APPBP2: variants seen among roughly 807,000 people sequenced by gnomAD.
APPBP2 encodes amyloid protein-binding protein 2.
APPBP2 carries 15 observed loss-of-function variants against 76.0 expected under a neutral mutation model. The ratio of observed to expected loss-of-function variants is 0.20; its 90% CI spans 0.13 to 0.30. APPBP2 has a LOEUF of 0.30. APPBP2 is among the 10% of genes least tolerant of loss of function. APPBP2 has a pLI of 1.00. For synonymous variants in APPBP2, 222 were observed against 242.2 expected (o/e 0.92, Z 0.77); for missense variants, 401 against 687.2 (o/e 0.58, Z 4.66).
chr17:60,493,842 T>C (rs973316145), intron 3 of APPBP2, among the ~76,000 whole-genome samples: 1 of 152,196 alleles, frequency 6.6e-6, no homozygotes, highest in Admixed American at 6.5e-5. Context: ...GATTTCGCCA[T>C]GCTGGCCAGG....
rs531072341 is a variant in APPBP2 at position 60,485,860 on chromosome 17, C to T, written c.380-6589G>A. Among the ~76,000 whole-genome samples the T allele has an allele frequency of 2.6e-5, 4 of 152,266 alleles. No individual in the cohort carries two copies. The South Asian group carries it at 6.2e-4, about 24-fold the overall frequency. ...TTAGTGCTATAAATTTACCTCTACA[C>T]ACAGCTTTAAATGTGTCCCAGAGAT... On this transcript the variant is annotated intron_variant, in intron 3 of 12. Transcript: ENST00000083182.
intron 3 of APPBP2, among the ~76,000 whole-genome samples, chr17:60,490,843 T>A (rs1048043324): frequency 2.6e-5 from 4 of 152,206 alleles, no homozygotes; most frequent in African/African-American, 9.6e-5. Flanking sequence ...CCATGTAAGA[T>A]GTGCCTTTTA....
chr17:60,488,616 C>G (rs756614257), intron 3 of APPBP2, among the ~76,000 whole-genome samples: 4 of 151,940 alleles, frequency 2.6e-5, no homozygotes, highest in Non-Finnish European at 4.4e-5. Context: ...TGACTTTTTC[C>G]TCTTGGGTAA....
intron 4 of APPBP2, among the ~76,000 whole-genome samples, chr17:60,475,024 T>TC (rs2090579143): frequency 6.6e-6 from 1 of 151,994 alleles, no homozygotes; most frequent in Non-Finnish European, 1.5e-5. Context: ...GGTCAGGAGA[T>TC]CGACACCATC....
At chr17:60,509,812 AAAC>A (rs1452786025) in intron 1 of APPBP2, among the ~76,000 whole-genome samples, 9 of 152,134 alleles carry the variant, frequency 5.9e-5, no homozygotes, top group Non-Finnish European at 1.2e-4. Context: ...AAAACACAAA[AAAC>A]AACAACAAAG....
In APPBP2 at chr17:60,511,290, T is replaced by C. The variant is rs1598374005; in HGVS notation, c.139-10803A>G. ...ACAAAAGGATAGGGCAGTATAGCTATAAGAAAACACTTTCTGCCGGGCGCG... is the reference window on the plus strand; with the variant it reads ...ACAAAAGGATAGGGCAGTATAGCTACAAGAAAACACTTTCTGCCGGGCGCG... On this transcript the variant is annotated intron_variant, in intron 1 of 12. Transcript: ENST00000083182. Among the ~76,000 whole-genome samples the C allele has an allele frequency of 3.3e-5, 5 of 152,212 alleles. No individual in the cohort carries two copies. In the South Asian group the frequency reaches 1.0e-3, roughly 32 times the overall value.
intron 3 of APPBP2, among the ~76,000 whole-genome samples, chr17:60,489,751 T>C (rs2090711381): frequency 6.6e-6 from 1 of 151,738 alleles, no homozygotes; most frequent in Non-Finnish European, 1.5e-5. Context: ...AAAACAAAAG[T>C]AGGGCTGGGT....
In APPBP2 at chr17:60,447,465, G is replaced by T; in HGVS notation, c.*116C>A. On this transcript the variant is annotated 3_prime_UTR_variant, in exon 13 of 13. Transcript: ENST00000083182. ...GATCACCCAAAATAGGGTCTTCAATGGACTGGACCAGTGTTTCAATGCAAA... is the reference window on the plus strand; with the variant it reads ...GATCACCCAAAATAGGGTCTTCAATTGACTGGACCAGTGTTTCAATGCAAA... The T allele has an allele frequency of 8.2e-7, 1 of 1,220,626 alleles. No homozygotes were observed. The highest frequency in any genetic ancestry group is 1.1e-6 in the Non-Finnish European group (1 of 879,974). The allele number at this position is 1,220,626 out of a possible 1,614,324, so 75.6% of individuals were successfully genotyped here. A position where few individuals can be genotyped will look rare whatever the true frequency, so the allele number is the denominator to read the frequency against.
intron 10 of APPBP2, among the ~76,000 whole-genome samples, chr17:60,455,461 G>A (rs547362821): frequency 5.8e-4 from 89 of 152,190 alleles, no homozygotes; most frequent in African/African-American, 1.9e-3. Flanking sequence ...CAACATGCAC[G>A]GAAATAACAC....
At chr17:60,507,975 CTT>C (rs753633178) in intron 1 of APPBP2, among the ~76,000 whole-genome samples, 73 of 140,946 alleles carry the variant, frequency 5.2e-4, no homozygotes, top group Admixed American at 7.2e-4. Flanking sequence ...TTTTTTCCTT[CTT>C]TTTTTTTTTT....
intron 1 of APPBP2, among the ~76,000 whole-genome samples, chr17:60,505,371 A>G (rs1362431513): frequency 6.6e-6 from 1 of 152,276 alleles, no homozygotes. Context: ...GTTGGAGTGC[A>G]GTGGCACGAT....
chr17:60,511,766 C>A (rs2090915654), intron 1 of APPBP2, among the ~76,000 whole-genome samples: 1 of 152,128 alleles, frequency 6.6e-6, no homozygotes, highest in South Asian at 2.1e-4. Flanking sequence ...CATCCATCTA[C>A]AGAGGAAAAT....
chr17:60,463,747 T>C (rs1303269469), intron 6 of APPBP2, among the ~76,000 whole-genome samples: 1 of 152,186 alleles, frequency 6.6e-6, no homozygotes, highest in African/African-American at 2.4e-5. Flanking sequence ...AGCACCCAAA[T>C]ACTACTTTGA....
chr17:60,522,042 ACT>A (rs1295246528), intron 1 of APPBP2, among the ~76,000 whole-genome samples: 1 of 152,000 alleles, frequency 6.6e-6, no homozygotes, highest in African/African-American at 2.4e-5. Context: ...GTGTAAATAC[ACT>A]CTCTGATGTT....
chr17:60,448,054 G>A (rs572632709), intron 12 of APPBP2, among the ~76,000 whole-genome samples: 1 of 152,150 alleles, frequency 6.6e-6, no homozygotes, highest in East Asian at 1.9e-4. Flanking sequence ...AAAGAAGTTG[G>A]CCTCATTAGA....
At chr17:60,494,341 G>T in intron 3 of APPBP2, 125 bp downstream of exon 3, 1 of 971,466 alleles carries the variant, frequency 1.0e-6, no homozygotes, top group Non-Finnish European at 1.5e-6. Flanking sequence ...GGGTTAAGTG[G>T]TTCTGATGTT....
intron 9 of APPBP2, among the ~76,000 whole-genome samples, chr17:60,458,727 T>A (rs1457389334): frequency 6.6e-6 from 1 of 151,868 alleles, no homozygotes; most frequent in African/African-American, 2.4e-5. Flanking sequence ...TTTAATCATA[T>A]AAAGAACACA....
Position 60,525,882 on chromosome 17 carries a change from G to A in APPBP2, c.50C>T (p.Ala17Val). 6.2e-7 allele frequency: 1 copy of A among 1,614,110 alleles called. No individual in the cohort carries two copies. The highest frequency in any genetic ancestry group is 8.5e-7 in the Non-Finnish European group (1 of 1,180,022). ...GTAGTTGTCCACGACAGCGGAGATG[G>A]CGGTGTTATAGAGAGTCTCTGGGAT... Reference protein sequence around the residue: ...EWIPETLYNTAISAVVDNYIR... With the variant: ...EWIPETLYNTVISAVVDNYIR... Residue 17 changes from alanine to valine, a missense_variant, in exon 1 of 13, where the codon GCC becomes GTC. Physicochemically the swap from Ala to Val is moderately conservative, Grantham distance 64. Around this residue, in one of 5 missense-constraint regions of APPBP2, gnomAD observed 149 missense variants for 198.4 expected, o/e 0.75. Coordinates refer to ENST00000083182, the MANE Select transcript of APPBP2 (RefSeq NM_006380.5).
rs554694557 is a variant in APPBP2, at chr17:60,468,640, A to G, written c.504-2181T>C. The stretch of plus-strand genomic sequence containing the variant: ...ATTTAAACAAAAGGGCAAATTAAAC[A>G]TATGGAGACTCTTTAGGTTCTGTGT... On this transcript the variant is annotated intron_variant, in intron 4 of 12. Transcript: ENST00000083182. 6 of 148,838 alleles carry G rather than the reference A, an allele frequency of 4.0e-5. 1 individual carries two copies. The South Asian group carries it at 1.2e-3, about 31-fold the overall frequency. The allele number at this position is 148,838 out of a possible 1,614,324, so 9.2% of individuals were successfully genotyped here.
Sources: gnomAD v4.1 joint callset for allele counts (sites outside exome capture counted in the v4.1 genomes callset) on GRCh38, gnomAD v4.1.1 for gene constraint, gnomAD v4.1.1 regional missense constraint, MANE v1.5 for transcripts, NCBI Gene and HGNC (gene_info 2026-07-23, HGNC 2026-07-21) for gene names.